Variants in ST18 observed in about 807,000 individuals in gnomAD.
The protein encoded by ST18 is suppression of tumorigenicity 18 protein.
Under a neutral mutation model 110.0 loss-of-function variants are expected in ST18, and 50 were observed. That is an observed-to-expected ratio of 0.45 (90% CI 0.36 to 0.58). ST18 has a LOEUF of 0.58. Ranked by LOEUF, ST18 falls within the 20% of genes least tolerant of loss-of-function variation. The pLI is 0.00. For missense variants in ST18, 1,306 were observed against 1,280.1 expected, an observed-to-expected ratio of 1.02 and a Z score of -0.31; for synonymous variants, 461 against 452.4, an observed-to-expected ratio of 1.02 and a Z score of -0.24.
intron 2 of ST18, among the ~76,000 whole-genome samples, chr8:52,306,895 C>T (rs944830133): frequency 2.3e-4 from 35 of 152,240 alleles, no homozygotes; most frequent in African/African-American, 7.9e-4. Context: ...ATTATATTAT[C>T]AGGTTTATAA....
At chr8:52,299,022 G>T (rs2095675237) in intron 2 of ST18, among the ~76,000 whole-genome samples, 1 of 152,084 alleles carries the variant, frequency 6.6e-6, no homozygotes, top group Non-Finnish European at 1.5e-5. Context: ...GAATTGTTGG[G>T]TTTCCTGGAT....
chr8:52,142,978 C>T lies in ST18; in HGVS notation c.2120G>A (p.Ser707Asn), dbSNP rs2055795910. The T allele has an allele frequency of 3.1e-6, 5 of 1,614,102 alleles. No homozygotes were observed. Among genetic ancestry groups the T allele is most frequent in the Non-Finnish European group, 4.2e-6 (5 of 1,179,996 alleles). Residue 707 changes from serine (S) to asparagine (N), a missense_variant, in exon 17 of 26, where the codon AGC (serine) becomes AAC (asparagine). Transcript: ENST00000689386. ...KKFPGEASIP[S>N]PKPKLHARDL... Reference sequence around the variant, plus strand: ...TCTTGCATGAAGCTTGGGTTTAGGGCTTGGTATAGAGGCCTCTCCAGGAAA... The same window carrying T: ...TCTTGCATGAAGCTTGGGTTTAGGGTTTGGTATAGAGGCCTCTCCAGGAAA...
chr8:52,200,392 C>T (rs1049312644), intron 8 of ST18, among the ~76,000 whole-genome samples: 3 of 152,234 alleles, frequency 2.0e-5, no homozygotes, highest in African/African-American at 7.2e-5. Flanking sequence ...GCATGTGAGA[C>T]TCGCAGCTGT....
intron 8 of ST18, among the ~76,000 whole-genome samples, chr8:52,185,358 A>G (rs1391129850): frequency 1.3e-5 from 2 of 152,176 alleles, no homozygotes; most frequent in East Asian, 3.9e-4. Context: ...TTCTTTATCT[A>G]TTAGATTCAA....
intron 2 of ST18, among the ~76,000 whole-genome samples, chr8:52,270,725 G>T (rs1482870130): frequency 1.3e-5 from 2 of 152,056 alleles, no homozygotes; most frequent in Non-Finnish European, 2.9e-5. Flanking sequence ...GTTTGGGGGT[G>T]GTGCAGGGGT....
chr8:52,126,093 A>G lies in ST18; in HGVS notation c.2714T>C (p.Val905Ala), dbSNP rs1349531669. 3 of 1,614,014 alleles carry G rather than the reference A, an allele frequency of 1.9e-6. No individual in the cohort carries two copies. The South Asian group carries it at 3.3e-5, about 18-fold the overall frequency. ...LNAQVIKKGK[V>A]SEELMTIKLK... ...CTTGATGGTCATGAGTTCTTCAGAA[A>G]CCTTGCCCTTTTTGATAACTTGTGC... is the stretch of plus-strand genomic sequence containing the variant. The change falls in exon 23 of 26, where the codon GTT becomes GCT. Residue 905 changes from valine (V) to alanine (A), a missense_variant. By Grantham distance (64) the Val-to-Ala change is moderately conservative. Transcript: ENST00000689386.
chr8:52,311,768 G>C (rs2095916401), intron 2 of ST18, among the ~76,000 whole-genome samples: 1 of 152,104 alleles, frequency 6.6e-6, no homozygotes, highest in Admixed American at 6.5e-5. Flanking sequence ...AACACCATGG[G>C]GGAAATGCCC....
chr8:52,174,412 T>G (rs1032155409), intron 9 of ST18, among the ~76,000 whole-genome samples: 4 of 152,242 alleles, frequency 2.6e-5, no homozygotes. Context: ...CATTGAACTA[T>G]TCTCTCACTC....
At chr8:52,337,670 C>T (rs976888008) in intron 2 of ST18, among the ~76,000 whole-genome samples, 3 of 152,172 alleles carry the variant, frequency 2.0e-5, no homozygotes, top group Non-Finnish European at 4.4e-5. Context: ...CTAATTTATT[C>T]GGGCTAAGCC....
intron 22 of ST18, among the ~76,000 whole-genome samples, chr8:52,128,812 T>A (rs997233433): frequency 2.6e-5 from 4 of 152,168 alleles, no homozygotes; most frequent in African/African-American, 9.6e-5. Context: ...TGTTTCATCT[T>A]CTGTCAACTG....
In ST18 at chr8:52,180,257, C is replaced by T. The variant is rs937091079; in HGVS notation, c.142G>A (p.Gly48Arg). The T allele has an allele frequency of 3.7e-6, 6 of 1,614,066 alleles. No individual in the cohort carries two copies. The highest frequency in any genetic ancestry group is 5.1e-6 in the Non-Finnish European group (6 of 1,180,044). Residue 48 changes from glycine to arginine, a missense_variant, in exon 9 of 26, where the codon GGG becomes AGG. Physicochemically the swap from Gly to Arg is moderately radical, Grantham distance 125 (BLOSUM62 -2). Transcript: ENST00000689386. ...GATTTCCTTTTGTTGACTGGAACCC[C>T]CAAAGCCTGATCTTCAGCTGTTCTC... The part of the protein sequence containing the change: ...KKRTAEDQAL[G>R]VPVNKRKSLL...
intron 2 of ST18, among the ~76,000 whole-genome samples, chr8:52,298,896 G>T (rs2095673310): frequency 6.6e-6 from 1 of 152,146 alleles, no homozygotes; most frequent in East Asian, 1.9e-4. Flanking sequence ...TAGAAATTCA[G>T]CTGTCAGTCT....
chr8:52,250,846 A>G (rs1294848026), intron 2 of ST18, among the ~76,000 whole-genome samples: 1 of 152,072 alleles, frequency 6.6e-6, no homozygotes, highest in African/African-American at 2.4e-5. Context: ...TTAAAAAAAA[A>G]TCCTCCAATA....
chr8:52,120,715 A>G (rs1353512559), intron 23 of ST18, among the ~76,000 whole-genome samples: 3 of 152,178 alleles, frequency 2.0e-5, no homozygotes, highest in Non-Finnish European at 4.4e-5. Flanking sequence ...AGCTGGGGTG[A>G]TTGAGCTGAA....
chr8:52,322,937 C>G (rs1458089578), intron 2 of ST18, among the ~76,000 whole-genome samples: 1 of 152,222 alleles, frequency 6.6e-6, no homozygotes, highest in Non-Finnish European at 1.5e-5. Context: ...AAGGAATCAG[C>G]AACTTGCTAT....
chr8:52,310,729 C>T (rs529429339), intron 2 of ST18, among the ~76,000 whole-genome samples: 5 of 152,238 alleles, frequency 3.3e-5, no homozygotes, highest in South Asian at 4.2e-4. Flanking sequence ...TTTCTTCTTG[C>T]GGCCTTCAGT....
intron 2 of ST18, among the ~76,000 whole-genome samples, chr8:52,368,340 T>C (rs1187840603): frequency 6.6e-6 from 1 of 152,188 alleles, no homozygotes; most frequent in East Asian, 1.9e-4. Context: ...AATGGAGAAT[T>C]TGTGAATAAC....
At chr8:52,336,403 G>T (rs1373906510) in intron 2 of ST18, among the ~76,000 whole-genome samples, 1 of 152,064 alleles carries the variant, frequency 6.6e-6, no homozygotes, top group African/African-American at 2.4e-5. Flanking sequence ...TGCCCACCTT[G>T]GCCTCTCAAA....
intron 8 of ST18, among the ~76,000 whole-genome samples, chr8:52,182,123 T>C (rs1026662413): frequency 6.6e-6 from 1 of 152,188 alleles, no homozygotes; most frequent in African/African-American, 2.4e-5. Context: ...GGCTCCTACG[T>C]CATTCAGATA....
Sources: gnomAD v4.1 joint callset for allele counts (sites outside exome capture counted in the v4.1 genomes callset) on GRCh38, gnomAD v4.1.1 for gene constraint, MANE v1.5 for transcripts, NCBI Gene and HGNC (gene_info 2026-07-23, HGNC 2026-07-21) for gene names.